RBFOX1: variants seen among roughly 807,000 people sequenced by gnomAD.
The protein encoded by RBFOX1 is RNA binding protein fox-1 homolog 1.
In RBFOX1, 8 loss-of-function variants were observed where a neutral mutation model predicts 57.7. The ratio of observed to expected loss-of-function variants is 0.14; its 90% CI spans 0.08 to 0.25. RBFOX1 has a LOEUF of 0.25. Among genes scored for constraint, RBFOX1 ranks in the 10% least tolerant of loss-of-function variants. The pLI, the probability that RBFOX1 is intolerant of heterozygous loss-of-function variation, is 1.00. For synonymous variants in RBFOX1, 326 were observed against 222.4 expected, an observed-to-expected ratio of 1.47 and a Z score of -4.15; for missense variants, 611 against 548.5, an observed-to-expected ratio of 1.11 and a Z score of -1.14.
At chr16:7,580,058 G>A in intron 6 of RBFOX1, 138 bp downstream of exon 6, 1 of 893,382 alleles carries the variant, frequency 1.1e-6, no homozygotes, top group East Asian at 2.6e-5. Flanking sequence ...CTAGTCTGCA[G>A]GTATATTGTG....
chr16:7,112,902 T>G (rs2065102144), intron 4 of RBFOX1, among the ~76,000 whole-genome samples: 1 of 152,168 alleles, frequency 6.6e-6, no homozygotes, highest in East Asian at 1.9e-4. Flanking sequence ...TTACCTAATT[T>G]AACTGATGTT....
At chr16:5,688,765 G>C (rs2050579752) in intron 3 of RBFOX1, among the ~76,000 whole-genome samples, 1 of 152,230 alleles carries the variant, frequency 6.6e-6, no homozygotes, top group South Asian at 2.1e-4. Context: ...ATTTATTGGA[G>C]AAATGTCAGG....
At chr16:6,175,372 G>C (rs1159858622) in intron 1 of RBFOX1, among the ~76,000 whole-genome samples, 2 of 152,152 alleles carry the variant, frequency 1.3e-5, no homozygotes, top group Non-Finnish European at 2.9e-5. Context: ...TTCTTCTCCT[G>C]GAGATTTATG....
rs925773771 is a variant in RBFOX1, at chr16:6,533,587, T to C, written c.-63-121016T>C. Among the ~76,000 whole-genome samples the C allele has an allele frequency of 5.1e-4, 77 of 152,042 alleles. 1 individual carries two copies. Among genetic ancestry groups the C allele is most frequent in the Non-Finnish European group, 9.3e-4 (63 of 67,972 alleles). ...TGGTAACATACAGAGTCAAGTGATT[T>C]TTTTTTTTTCCTTGAAAAAGCACCA... On this transcript the variant is annotated intron_variant, in intron 2 of 15. Transcript: ENST00000550418.
chr16:6,760,334 G>C (rs1206096579), intron 3 of RBFOX1, among the ~76,000 whole-genome samples: 1 of 152,012 alleles, frequency 6.6e-6, no homozygotes, highest in Non-Finnish European at 1.5e-5. Flanking sequence ...AGGTGGAAGG[G>C]GAATCAAGAT....
At chr16:5,565,627 C>CGTAA (rs1555466587) in intron 2 of RBFOX1, among the ~76,000 whole-genome samples, 2,543 of 142,830 alleles carry the variant, frequency 0.018, 49 homozygotes, top group Middle Eastern at 0.043. Context: ...CTCTGCCTTA[C>CGTAA]ATAAATAAAT....
At chr16:7,185,953 G>A (rs2152554625) in intron 4 of RBFOX1, among the ~76,000 whole-genome samples, 1 of 152,244 alleles carries the variant, frequency 6.6e-6, no homozygotes, top group East Asian at 1.9e-4. Context: ...CCCGTCCTCT[G>A]AAGTATGTCT....
At chr16:5,267,283 G>A (rs977781119) in intron 1 of RBFOX1, among the ~76,000 whole-genome samples, 39 of 144,110 alleles carry the variant, frequency 2.7e-4, no homozygotes, top group Non-Finnish European at 3.9e-4. Context: ...CTGTTACAAG[G>A]CCCACACATA....
chr16:6,486,082 CTTTTTTTTTT>C (rs71145234), intron 2 of RBFOX1, among the ~76,000 whole-genome samples: 5 of 62,968 alleles, frequency 7.9e-5, no homozygotes, highest in South Asian at 7.1e-4. Context: ...CAGTAAAAGG[CTTTTTTTTTT>C]TTTTTTTTTT....
chr16:5,795,307 CT>C (rs1048193656), intron 3 of RBFOX1, among the ~76,000 whole-genome samples: 49 of 146,912 alleles, frequency 3.3e-4, no homozygotes, highest in Middle Eastern at 3.6e-3. Flanking sequence ...CTTCCTTCTT[CT>C]TTTTTTTTTT....
At chr16:6,448,267 C>T (rs1296143761) in intron 2 of RBFOX1, among the ~76,000 whole-genome samples, 1 of 137,650 alleles carries the variant, frequency 7.3e-6, no homozygotes, top group Non-Finnish European at 1.5e-5. Flanking sequence ...TCAAGCAATT[C>T]TCCTATCTTA....
intron 4 of RBFOX1, among the ~76,000 whole-genome samples, chr16:7,085,141 A>C (rs950189393): frequency 2.0e-5 from 3 of 152,138 alleles, no homozygotes; most frequent in African/African-American, 7.2e-5. Flanking sequence ...ATCTCAGATC[A>C]AATAAAGAGG....
intron 3 of RBFOX1, among the ~76,000 whole-genome samples, chr16:6,713,316 C>T (rs908108238): frequency 3.9e-5 from 6 of 152,064 alleles, no homozygotes; most frequent in East Asian, 3.9e-4. Context: ...ACAGGATAGT[C>T]TCAAAGTCTC....
chr16:5,487,113 C>T (rs766924463), intron 2 of RBFOX1, among the ~76,000 whole-genome samples: 10 of 152,146 alleles, frequency 6.6e-5, no homozygotes, highest in East Asian at 1.9e-4. Context: ...GCAAGCCCTC[C>T]GGGAGTTCTC....
At chr16:6,775,387 T>C (rs1321511797) in intron 3 of RBFOX1, among the ~76,000 whole-genome samples, 1 of 147,462 alleles carries the variant, frequency 6.8e-6, no homozygotes, top group African/African-American at 2.5e-5. Flanking sequence ...CACACCCAAC[T>C]GTTAAGACCT....
intron 3 of RBFOX1, 25 bp from the exon 4 acceptor site, chr16:7,052,032 C>A (rs1183935977): frequency 6.4e-7 from 1 of 1,560,388 alleles, no homozygotes; most frequent in Non-Finnish European, 8.7e-7. Flanking sequence ...TCTGACTTTT[C>A]CCCTTCATTT....
intron 3 of RBFOX1, among the ~76,000 whole-genome samples, chr16:6,706,974 A>G (rs1422018346): frequency 2.0e-5 from 3 of 152,072 alleles, no homozygotes; most frequent in African/African-American, 4.8e-5. Context: ...AACGTGTGGT[A>G]TTTTTACTGA....
chr16:6,518,791 G>GTCTGTC lies in RBFOX1; in HGVS notation c.-63-135811_-63-135810insCTGTCT, dbSNP rs1567531526. On this transcript the variant is annotated intron_variant, in intron 2 of 15. Coordinates refer to ENST00000550418, the MANE Select transcript of RBFOX1 (RefSeq NM_018723.4). ...TCTATCCATCTGTCTGTCTGTCTGT[G>GTCTGTC]TGTCTGTCTATCTATCTATCTATCT... is the stretch of plus-strand genomic sequence containing the variant. Among the ~76,000 whole-genome samples the GTCTGTC allele has an allele frequency of 9.2e-3, 1,289 of 140,792 alleles. 12 individuals carry two copies. Among genetic ancestry groups the GTCTGTC allele is most frequent in the African/African-American group, 0.025 (949 of 37,916 alleles). The allele number at this position is 140,792 out of a possible 152,430, so 92.4% of individuals were successfully genotyped here. A position where few individuals can be genotyped will look rare whatever the true frequency, so the allele number is the denominator to read the frequency against.
intron 1 of RBFOX1, among the ~76,000 whole-genome samples, chr16:5,306,913 C>G (rs971747862): frequency 6.6e-6 from 1 of 152,200 alleles, no homozygotes. Context: ...CAAGGAGAAT[C>G]ATGTCTAGAA....
Sources: allele counts gnomAD v4.1 joint callset (sites outside exome capture counted in the v4.1 genomes callset), GRCh38; gene constraint gnomAD v4.1.1; transcripts MANE v1.5; gene names NCBI Gene and HGNC (gene_info 2026-07-23, HGNC 2026-07-21).